The following HOXA7 variants were observed in gnomAD, a reference collection of about 807,000 sequenced individuals.
The protein encoded by HOXA7 is homeobox protein Hox-A7.
HOXA7 carries 16 observed loss-of-function variants against 16.8 expected under a neutral mutation model. That is an observed-to-expected ratio of 0.95 (90% CI 0.64 to 1.44). The LOEUF is 1.44. Ranked by LOEUF, HOXA7 falls within the 40% of genes most tolerant of loss-of-function variation. The probability of loss-of-function intolerance (pLI) is 0.00; values close to 1 mark genes in which losing one functional copy is unlikely to be tolerated. For missense variants in HOXA7, 379 were observed against 328.6 expected (o/e 1.15, Z -1.19); for synonymous variants, 169 against 144.3 (o/e 1.17, Z -1.23).
chr7:27,155,194 G>T lies in HOXA7; in HGVS notation c.408C>A (p.Thr136=). 2 of 1,614,240 alleles carry T rather than the reference G, an allele frequency of 1.2e-6. No homozygotes were observed. Among genetic ancestry groups the T allele is most frequent in the Non-Finnish European group, 1.7e-6 (2 of 1,180,040 alleles). Residue 136 remains threonine, a synonymous_variant, in exon 2 of 2, where the codon ACC becomes ACA. Transcript: ENST00000242159. ...SGPDRKRGRQ[T]YTRYQTLELE... ...GCTCCAGCGTCTGGTAGCGCGTGTA[G>T]GTCTGGCGGCCCCGCTTCCTGTCAG...
rs757196001 is a variant in HOXA7 at position 27,155,194 on chromosome 7, G to C, written c.408C>G (p.Thr136=). 1.4e-5 allele frequency: 23 copies of C among 1,614,122 alleles called. No homozygotes were observed. Among genetic ancestry groups the C allele is most frequent in the Middle Eastern group, 1.6e-4 (1 of 6,084 alleles). Residue 136 remains threonine (T), a synonymous_variant, in exon 2 of 2, where the codon ACC becomes ACG. Transcript: ENST00000242159. The stretch of plus-strand genomic sequence containing the variant: ...GCTCCAGCGTCTGGTAGCGCGTGTA[G>C]GTCTGGCGGCCCCGCTTCCTGTCAG... ...SGPDRKRGRQ[T]YTRYQTLELE... is the part of the protein sequence containing the mutation.
rs1783048136 is a variant in HOXA7, at chr7:27,153,963, C to T, written c.*946G>A. 1 of 152,590 alleles carries T rather than the reference C, an allele frequency of 6.6e-6. No homozygotes were observed. The highest frequency in any genetic ancestry group is 1.5e-5 in the Non-Finnish European group (1 of 68,036). 9.5% of individuals were successfully genotyped at this position (152,590 alleles called of 1,614,324 possible). On this transcript the variant is annotated 3_prime_UTR_variant, in exon 2 of 2. Coordinates refer to ENST00000242159, the MANE Select transcript of HOXA7 (RefSeq NM_006896.4). ...AAGACACTGCCTTACAAATGAACTC[C>T]AAGACTATAGAAATGATAAAAAAAA... is the stretch of plus-strand genomic sequence containing the variant.
chr7:27,156,322 T>TCGGCGCCCGG lies in HOXA7; in HGVS notation c.223_224insCCGGGCGCCG (p.Asp75AlafsTer24). The TCGGCGCCCGG allele has an allele frequency of 6.2e-7, 1 of 1,613,934 alleles. No individual in the cohort carries two copies. On this transcript the variant is annotated frameshift_variant, in exon 1 of 2. Coordinates refer to ENST00000242159, the MANE Select transcript of HOXA7 (RefSeq NM_006896.4). LOFTEE classifies it high-confidence loss of function. ...GGCGCAGGGCAGGTTGCCGTAGGCG[T>TCGGCGCCCGG]CGGCGCCCAGGCCGTAGCCGGACGC... is the stretch of plus-strand genomic sequence containing the variant.
Position 27,156,626 on chromosome 7 carries a change from C to T in HOXA7, c.-81G>A, listed in dbSNP as rs1328347428. 3 of 1,420,082 alleles carry T rather than the reference C, an allele frequency of 2.1e-6. No individual in the cohort carries two copies. Among genetic ancestry groups the T allele is most frequent in the Non-Finnish European group, 2.9e-6 (3 of 1,046,798 alleles). 88.0% of individuals were successfully genotyped at this position (1,420,082 alleles called of 1,614,324 possible). A position where few individuals can be genotyped will look rare whatever the true frequency, so the allele number is the denominator to read the frequency against. The stretch of plus-strand genomic sequence containing the variant: ...GAGTGATATATGATAACATTACACC[C>T]CCAGATTTACACCAAACCCCATTTT... On this transcript the variant is annotated 5_prime_UTR_variant, in exon 1 of 2. Coordinates refer to ENST00000242159, the MANE Select transcript of HOXA7 (RefSeq NM_006896.4).
At position 27,154,725 on chromosome 7, in the gene HOXA7, G is replaced by T. The variant is rs1456858946; in HGVS notation, c.*184C>A. On this transcript the variant is annotated 3_prime_UTR_variant, in exon 2 of 2. Coordinates refer to ENST00000242159, the MANE Select transcript of HOXA7 (RefSeq NM_006896.4). ...CTCTGCGGCCGCTCAGTCCACAAAA[G>T]TTGGGAGCTGGAGTAGGTGATGGGG... 3 of 858,934 alleles carry T rather than the reference G, an allele frequency of 3.5e-6. No individual in the cohort carries two copies. The highest frequency in any genetic ancestry group is 2.7e-5 in the East Asian group (1 of 36,712). 53.2% of individuals were successfully genotyped at this position (858,934 alleles called of 1,614,324 possible).
At position 27,154,619 on chromosome 7, in the gene HOXA7, G is replaced by A. The variant is rs576756642; in HGVS notation, c.*290C>T. On this transcript the variant is annotated 3_prime_UTR_variant, in exon 2 of 2. Transcript: ENST00000242159. ...CTGTGCTAGGTAGTATTTTGGACGC[G>A]CCAGAGCAGGGCCGGCTGGCCTGGG... The A allele has an allele frequency of 4.4e-5, 20 of 453,368 alleles. No homozygotes were observed. The South Asian group carries it at 5.4e-4, about 12-fold the overall frequency. The allele number at this position is 453,368 out of a possible 1,614,324, so 28.1% of individuals were successfully genotyped here.
In HOXA7 at chr7:27,154,856, C is replaced by T; in HGVS notation, c.*53G>A. On this transcript the variant is annotated 3_prime_UTR_variant, in exon 2 of 2. Coordinates refer to ENST00000242159, the MANE Select transcript of HOXA7 (RefSeq NM_006896.4). Reference sequence around the variant, plus strand: ...TTTTGTAAGTAAAACCAGTGAGTCTCTTAAAGACGCTTTTCCGACTGTCCG... The same window carrying T: ...TTTTGTAAGTAAAACCAGTGAGTCTTTTAAAGACGCTTTTCCGACTGTCCG... The T allele has an allele frequency of 6.5e-7, 1 of 1,539,386 alleles. No individual in the cohort carries two copies. Among genetic ancestry groups the T allele is most frequent in the Non-Finnish European group, 8.7e-7 (1 of 1,145,722 alleles).
intron 1 of HOXA7, 58 bp from the exon 2 acceptor site, chr7:27,155,280 G>C: frequency 1.3e-6 from 2 of 1,506,032 alleles, no homozygotes; most frequent in Admixed American, 1.7e-5. Flanking sequence ...CAGGGCACTC[G>C]TTAGGCTGCT....
In HOXA7 at chr7:27,154,792, T is replaced by C; in HGVS notation, c.*117A>G. On this transcript the variant is annotated 3_prime_UTR_variant, in exon 2 of 2. Coordinates refer to ENST00000242159, the MANE Select transcript of HOXA7 (RefSeq NM_006896.4). Reference sequence around the variant, plus strand: ...TTGGGGACTGGGTTGCTTTTTTGTTTTTGTTTTTGTTTTTTACATTTTCTT... The same window carrying C: ...TTGGGGACTGGGTTGCTTTTTTGTTCTTGTTTTTGTTTTTTACATTTTCTT... The C allele has an allele frequency of 1.4e-6, 2 of 1,426,164 alleles. No homozygotes were observed. The highest frequency in any genetic ancestry group is 1.8e-6 in the Non-Finnish European group (2 of 1,086,318). The allele number at this position is 1,426,164 out of a possible 1,614,324, so 88.3% of individuals were successfully genotyped here.
chr7:27,155,262 CA>C, intron 1 of HOXA7, 40 bp from the exon 2 acceptor site: 1 of 1,585,862 alleles, frequency 6.3e-7, no homozygotes, highest in Non-Finnish European at 8.7e-7. Flanking sequence ...CAAGGACAGA[CA>C]AGTAGACAGG....
rs78707165 is a variant in HOXA7, at chr7:27,155,557, T to G, written c.380-335A>C. The G allele has an allele frequency of 2.9e-4, 88 of 307,464 alleles. No individual in the cohort carries two copies. The East Asian group carries it at 5.1e-3, about 18-fold the overall frequency. 19.0% of individuals were successfully genotyped at this position (307,464 alleles called of 1,614,324 possible). ...TAGAGTGTGAGCAAGTGGGAAACGCTGCACTTTTGCCATTCAAAGATGAGC... is the reference window on the plus strand; with the variant it reads ...TAGAGTGTGAGCAAGTGGGAAACGCGGCACTTTTGCCATTCAAAGATGAGC... On this transcript the variant is annotated intron_variant, in intron 1 of 1. Transcript: ENST00000242159.
At position 27,154,762 on chromosome 7, in the gene HOXA7, G is replaced by T; in HGVS notation, c.*147C>A. 8.6e-7 allele frequency: 1 copy of T among 1,166,774 alleles called. No individual in the cohort carries two copies. The highest frequency in any genetic ancestry group is 1.2e-6 in the Non-Finnish European group (1 of 856,270). 72.3% of individuals were successfully genotyped at this position (1,166,774 alleles called of 1,614,324 possible). A position where few individuals can be genotyped will look rare whatever the true frequency, so the allele number is the denominator to read the frequency against. On this transcript the variant is annotated 3_prime_UTR_variant, in exon 2 of 2. Coordinates refer to ENST00000242159, the MANE Select transcript of HOXA7 (RefSeq NM_006896.4). Reference sequence around the variant, plus strand: ...AGTAGGTGATGGGGGTGGGTAGAGTGCAGGTTGGGGACTGGGTTGCTTTTT... The same window carrying T: ...AGTAGGTGATGGGGGTGGGTAGAGTTCAGGTTGGGGACTGGGTTGCTTTTT...
At chr7:27,155,789 G>A (rs1236246153) in intron 1 of HOXA7, 1 of 183,206 alleles carries the variant, frequency 5.5e-6, no homozygotes, top group Non-Finnish European at 1.1e-5. Context: ...AGGCAGCAAG[G>A]AAAATGAGGA....
At position 27,154,926 on chromosome 7, in the gene HOXA7, C is replaced by T; in HGVS notation, c.676G>A (p.Glu226Lys). The change falls in exon 2 of 2, where the codon GAA becomes AAA. Residue 226 changes from glutamate to lysine, a missense_variant. Physicochemically the swap from Glu to Lys is moderately conservative, Grantham distance 56. Coordinates refer to ENST00000242159, the MANE Select transcript of HOXA7 (RefSeq NM_006896.4). The part of the protein sequence containing the change: ...ADEEDDDEEE[E>K]DEEE ...TCGGCCCCTCATTCCTCCTCGTCTT[C>T]CTCTTCTTCATCATCGTCCTCCTCG... The T allele has an allele frequency of 1.1e-5, 18 of 1,610,492 alleles. No homozygotes were observed. Among genetic ancestry groups the T allele is most frequent in the Non-Finnish European group, 1.4e-5 (17 of 1,177,282 alleles).
Position 27,153,944 on chromosome 7 carries a change from C to T in HOXA7, c.*965G>A, listed in dbSNP as rs1399188504. 1 of 152,646 alleles carries T rather than the reference C, an allele frequency of 6.6e-6. No homozygotes were observed. Among genetic ancestry groups the T allele is most frequent in the African/African-American group, 2.4e-5 (1 of 41,424 alleles). The allele number at this position is 152,646 out of a possible 1,614,324, so 9.5% of individuals were successfully genotyped here. ...AACACATCCTTTCCAAGTCAAGACA[C>T]TGCCTTACAAATGAACTCCAAGACT... is the stretch of plus-strand genomic sequence containing the variant. On this transcript the variant is annotated 3_prime_UTR_variant, in exon 2 of 2. Transcript: ENST00000242159.
In HOXA7 at chr7:27,156,302, A is replaced by C; in HGVS notation, c.244T>G (p.Cys82Gly). 1.9e-6 allele frequency: 3 copies of C among 1,613,858 alleles called. No individual in the cohort carries two copies. The highest frequency in any genetic ancestry group is 2.2e-5 in the South Asian group (2 of 91,090). Residue 82 changes from cysteine (C) to glycine (G), a missense_variant, in exon 1 of 2, where the codon TGC becomes GGC. Cys to Gly is a radical substitution (Grantham distance 159). Transcript: ENST00000242159. The part of the protein sequence containing the change: ...LGADAYGNLP[C>G]ASYDQNIPGL... The stretch of plus-strand genomic sequence containing the variant: ...GGGATGTTTTGGTCGTAGGAGGCGC[A>C]GGGCAGGTTGCCGTAGGCGTCGGCG...
In HOXA7 at chr7:27,156,248, C is replaced by A; in HGVS notation, c.298G>T (p.Ala100Ser). 1.2e-6 allele frequency: 2 copies of A among 1,609,824 alleles called. No homozygotes were observed. Among genetic ancestry groups the A allele is most frequent in the Non-Finnish European group, 1.7e-6 (2 of 1,178,076 alleles). The change falls in exon 1 of 2, where the codon GCC becomes TCC. Residue 100 changes from alanine to serine, a missense_variant. By Grantham distance (99) the Ala-to-Ser change is moderately conservative (BLOSUM62 1). Coordinates refer to ENST00000242159, the MANE Select transcript of HOXA7 (RefSeq NM_006896.4). The part of the protein sequence containing the change: ...PGLCSDLAKG[A>S]CDKTDEGALH... ...GCGCCCTCGTCCGTCTTGTCGCAGG[C>A]GCCTTTGGCGAGGTCACTGCAGAGC... is the stretch of plus-strand genomic sequence containing the variant.
At position 27,156,430 on chromosome 7, in the gene HOXA7, C is replaced by A. The variant is rs139653572; in HGVS notation, c.116G>T (p.Gly39Val). ...CSFAPNSQRSGYGAGAGAFAS... is the reference protein window; with the variant it reads ...CSFAPNSQRSVYGAGAGAFAS... ...GAAGGCGCCGGCGCCCGCCCCGTAG[C>A]CGCTTCTCTGTGAGTTGGGAGCAAA... The change falls in exon 1 of 2, where the codon GGC becomes GTC. Residue 39 changes from glycine to valine, a missense_variant. By Grantham distance (109) the Gly-to-Val change is moderately radical. Transcript: ENST00000242159. 1.9e-6 allele frequency: 3 copies of A among 1,613,790 alleles called. No homozygotes were observed. The African/African-American group carries it at 4.0e-5, about 22-fold the overall frequency.
intron 1 of HOXA7, chr7:27,155,851 C>G (rs1783096525): frequency 7.2e-6 from 2 of 276,714 alleles, no homozygotes; most frequent in African/African-American, 4.4e-5. Context: ...GAAAGAGAGA[C>G]AGAATAGCGA....
Sources: gnomAD v4.1 joint callset for allele counts on GRCh38, gnomAD v4.1.1 for gene constraint, MANE v1.5 for transcripts, NCBI Gene and HGNC (gene_info 2026-07-23, HGNC 2026-07-21) for gene names.